The following VMP1 variants were observed in gnomAD, a reference collection of about 807,000 sequenced individuals.
The protein encoded by VMP1 is ectopic P-granules autophagy protein 3 homolog.
In VMP1, 11 loss-of-function variants were observed where a neutral mutation model predicts 56.0. That is an observed-to-expected ratio of 0.20 (90% CI 0.12 to 0.32). VMP1 has a LOEUF of 0.32. Ranked by LOEUF, VMP1 falls within the 10% of genes least tolerant of loss-of-function variation. The pLI is 1.00. For missense variants in VMP1, 296 were observed against 490.3 expected (o/e 0.60, Z 3.74); for synonymous variants, 149 against 165.0 (o/e 0.90, Z 0.74).
chr17:59,773,560 T>C (rs539130705), intron 6 of VMP1, among the ~76,000 whole-genome samples, 194 bp from the exon 7 acceptor site: 1 of 152,230 alleles, frequency 6.6e-6, no homozygotes, highest in East Asian at 1.9e-4. Flanking sequence ...TATGTGATGC[T>C]TGCCAAGCAT....
At chr17:59,817,648 T>G in intron 9 of VMP1, 64 bp from the exon 10 acceptor site, 1 of 1,240,378 alleles carries the variant, frequency 8.1e-7, no homozygotes, top group Non-Finnish European at 1.2e-6. Context: ...ATTACCAGAA[T>G]TGTGAATTTA....
chr17:59,813,231 TTCAA>T (rs2038113152), intron 9 of VMP1, among the ~76,000 whole-genome samples: 1 of 152,198 alleles, frequency 6.6e-6, no homozygotes, highest in African/African-American at 2.4e-5. Flanking sequence ...AAGTATTTTG[TTCAA>T]TCAACGAACA....
chr17:59,763,292 A>C (rs926416081), intron 5 of VMP1, among the ~76,000 whole-genome samples: 8 of 152,070 alleles, frequency 5.3e-5, no homozygotes, highest in African/African-American at 1.9e-4. Context: ...CCAAGTGTGA[A>C]ATCTCTTGTG....
chr17:59,764,204 T>A (rs906696872), intron 5 of VMP1, among the ~76,000 whole-genome samples: 27 of 152,118 alleles, frequency 1.8e-4, no homozygotes, highest in Non-Finnish European at 3.4e-4. Flanking sequence ...AAGTTTTTTT[T>A]AATAAAAGGA....
chr17:59,798,820 A>T (rs1182081365), intron 7 of VMP1, among the ~76,000 whole-genome samples: 2 of 152,242 alleles, frequency 1.3e-5, no homozygotes, highest in African/African-American at 4.8e-5. Context: ...CAGGAGGCAG[A>T]GGTTGCAGTG....
chr17:59,776,314 A>C (rs2036616322), intron 7 of VMP1, among the ~76,000 whole-genome samples: 1 of 152,320 alleles, frequency 6.6e-6, no homozygotes, highest in East Asian at 1.9e-4. Context: ...AGCCAAATAT[A>C]AACCAAATGA....
chr17:59,727,976 C>G (rs913424421), intron 1 of VMP1, among the ~76,000 whole-genome samples: 22 of 152,168 alleles, frequency 1.4e-4, no homozygotes, highest in African/African-American at 5.1e-4. Context: ...GATTTTAAAT[C>G]TTATGATTGT....
rs1395066481 is a variant in VMP1, at chr17:59,735,483, C to G, written c.212+10C>G. On this transcript the variant is annotated intron_variant, in intron 3 of 11. Coordinates refer to ENST00000262291, the MANE Select transcript of VMP1 (RefSeq NM_030938.5). ...AGGAATGGACCTCAAAGTAAAGAGT[C>G]TTCTCCCACTACCTTTTACATACAC... The G allele has an allele frequency of 1.2e-6, 2 of 1,613,690 alleles. No homozygotes were observed. Among genetic ancestry groups the G allele is most frequent in the Admixed American group, 3.3e-5 (2 of 59,938 alleles).
intron 5 of VMP1, among the ~76,000 whole-genome samples, chr17:59,746,892 T>G (rs530896717): frequency 6.6e-6 from 1 of 152,362 alleles, no homozygotes; most frequent in South Asian, 2.1e-4. Context: ...ACTGTACTTG[T>G]TATGTATCAT....
At chr17:59,797,155 A>T (rs1395346624) in intron 7 of VMP1, among the ~76,000 whole-genome samples, 3 of 120,226 alleles carry the variant, frequency 2.5e-5, no homozygotes, top group Admixed American at 2.5e-4. Flanking sequence ...AGCATGGTGA[A>T]ACCCCCCCCC....
At chr17:59,806,630 G>C (rs1023520466) in intron 7 of VMP1, among the ~76,000 whole-genome samples, 1 of 150,292 alleles carries the variant, frequency 6.7e-6, no homozygotes, top group Non-Finnish European at 1.5e-5. Flanking sequence ...CAAGAGAATC[G>C]CTTGAACCCG....
At position 59,760,714 on chromosome 17, in the gene VMP1, G is replaced by T. The variant is rs573628918; in HGVS notation, c.415-4257G>T. Among the ~76,000 whole-genome samples the T allele has an allele frequency of 2.0e-3, 300 of 152,176 alleles. 1 individual carries two copies. Among genetic ancestry groups the T allele is most frequent in the African/African-American group, 6.8e-3 (283 of 41,522 alleles). On this transcript the variant is annotated intron_variant, in intron 5 of 11. Coordinates refer to ENST00000262291, the MANE Select transcript of VMP1 (RefSeq NM_030938.5). Reference sequence around the variant, plus strand: ...CGGCTCACTGCAATCTCCGCCTCCCGGATTCAAGCCATTCCCCTGCCTCAG... The same window carrying T: ...CGGCTCACTGCAATCTCCGCCTCCCTGATTCAAGCCATTCCCCTGCCTCAG...
chr17:59,775,163 C>T (rs1261412018), intron 7 of VMP1, among the ~76,000 whole-genome samples: 4 of 152,144 alleles, frequency 2.6e-5, no homozygotes, highest in African/African-American at 9.7e-5. Context: ...CCAGGATGGT[C>T]TTGATCTCCT....
At chr17:59,786,931 C>T (rs2037026027) in intron 7 of VMP1, among the ~76,000 whole-genome samples, 1 of 152,162 alleles carries the variant, frequency 6.6e-6, no homozygotes, top group Admixed American at 6.5e-5. Flanking sequence ...GTCAAAACTA[C>T]CAAGAATTAG....
At chr17:59,740,951 A>G (rs2035204130) in intron 5 of VMP1, among the ~76,000 whole-genome samples, 1 of 152,210 alleles carries the variant, frequency 6.6e-6, no homozygotes, top group Non-Finnish European at 1.5e-5. Flanking sequence ...TAATTCCAGC[A>G]TTTTGAGAAG....
intron 10 of VMP1, among the ~76,000 whole-genome samples, chr17:59,820,956 T>G (rs2038420289): frequency 6.6e-6 from 1 of 151,804 alleles, no homozygotes; most frequent in African/African-American, 2.4e-5. Context: ...ATATCTTATG[T>G]CTTTCTTTCT....
chr17:59,789,835 C>CCTTTT (rs1555622180), intron 7 of VMP1, among the ~76,000 whole-genome samples: 3 of 85,964 alleles, frequency 3.5e-5, no homozygotes, highest in African/African-American at 1.5e-4. Flanking sequence ...CTTTCTTTCC[C>CCTTTT]TTTTTTTTTT....
At chr17:59,803,466 A>G (rs1260410747) in intron 7 of VMP1, among the ~76,000 whole-genome samples, 2 of 152,222 alleles carry the variant, frequency 1.3e-5, no homozygotes, top group East Asian at 3.8e-4. Flanking sequence ...TTATTTACCT[A>G]TAATTGGTTT....
chr17:59,731,413 T>A lies in VMP1; in HGVS notation c.-26-8T>A, dbSNP rs113278341. 6.5e-7 allele frequency: 1 copy of A among 1,542,334 alleles called. No individual in the cohort carries two copies. The highest frequency in any genetic ancestry group is 1.2e-5 in the South Asian group (1 of 82,572). On this transcript the variant is annotated splice_region_variant and splice_polypyrimidine_tract_variant and intron_variant, in intron 1 of 11. Coordinates refer to ENST00000262291, the MANE Select transcript of VMP1 (RefSeq NM_030938.5). ...AATGTATTGCTGGATTTTATTTTGCTGTATTAGCTCCTCAAGAGTTACTGA... is the reference window on the plus strand; with the variant it reads ...AATGTATTGCTGGATTTTATTTTGCAGTATTAGCTCCTCAAGAGTTACTGA...
Sources: gnomAD v4.1 joint callset for allele counts (sites outside exome capture counted in the v4.1 genomes callset) on GRCh38, gnomAD v4.1.1 for gene constraint, MANE v1.5 for transcripts, NCBI Gene and HGNC (gene_info 2026-07-23, HGNC 2026-07-21) for gene names.